The following HPF1 variants were observed in gnomAD, a reference collection of about 807,000 sequenced individuals.
HPF1 encodes the protein histone PARylation factor 1.
In HPF1, 35 loss-of-function variants were observed where a neutral mutation model predicts 38.8. The ratio of observed to expected loss-of-function variants is 0.90; its 90% CI spans 0.69 to 1.19. HPF1 has a LOEUF of 1.19. Among genes scored for constraint, HPF1 ranks in the 50% most tolerant of loss-of-function variants. HPF1 has a pLI of 0.00. For missense variants in HPF1, 367 were observed against 405.8 expected (o/e 0.90, Z 0.82); for synonymous variants, 115 against 139.2 (o/e 0.83, Z 1.22).
chr4:169,757,697 C>T (rs1356738604), intron 1 of HPF1, 133 bp downstream of exon 1: 1 of 904,574 alleles, frequency 1.1e-6, no homozygotes, highest in Non-Finnish European at 1.7e-6. Flanking sequence ...GGGCAGGATC[C>T]CCGCAGCAAA....
chr4:169,751,219 ATGGCAAAACCC>A (rs1734115003), intron 2 of HPF1, among the ~76,000 whole-genome samples: 1 of 152,078 alleles, frequency 6.6e-6, no homozygotes, highest in Non-Finnish European at 1.5e-5. Context: ...CCTGGCCAAC[ATGGCAAAACCC>A]CGTCTCTACT....
At chr4:169,742,208 A>G (rs1216546971) in intron 4 of HPF1, 101 bp from the exon 5 acceptor site, 1 of 898,836 alleles carries the variant, frequency 1.1e-6, no homozygotes, top group African/African-American at 1.7e-5. Flanking sequence ...ATTCCATACA[A>G]GAATAAGTCC....
chr4:169,731,979 T>C, intron 6 of HPF1, 103 bp from the exon 7 acceptor site: 2 of 910,162 alleles, frequency 2.2e-6, no homozygotes, highest in Non-Finnish European at 3.4e-6. Context: ...CCTAAGACTT[T>C]GTACTAATAC....
chr4:169,738,593 T>C (rs1733927197), intron 5 of HPF1, among the ~76,000 whole-genome samples: 1 of 152,120 alleles, frequency 6.6e-6, no homozygotes, highest in African/African-American at 2.4e-5. Flanking sequence ...CTCCCTATTC[T>C]CCCAGTCTCT....
rs551102207 is a variant in HPF1 at position 169,754,367 on chromosome 4, A to C, written c.49-532T>G. On this transcript the variant is annotated intron_variant, in intron 1 of 7. Coordinates refer to ENST00000393381, the MANE Select transcript of HPF1 (RefSeq NM_017867.3). ...TCCAGATAAAGAGGGAAGGTTAGTG[A>C]CAATGTTAAACATCTATAGTTCCTA... 2.0e-5 allele frequency among the ~76,000 whole-genome samples: 3 copies of C among 152,216 alleles called. No homozygotes were observed. In the South Asian group the frequency reaches 6.2e-4, roughly 32 times the overall value.
chr4:169,736,147 G>A (rs1048707651), intron 6 of HPF1, among the ~76,000 whole-genome samples: 4 of 151,686 alleles, frequency 2.6e-5, no homozygotes, highest in Admixed American at 6.6e-5. Flanking sequence ...GGGAAGCCGA[G>A]GTGGGTTGAT....
At chr4:169,755,396 A>G (rs1354071554) in intron 1 of HPF1, among the ~76,000 whole-genome samples, 1 of 152,166 alleles carries the variant, frequency 6.6e-6, no homozygotes, top group Non-Finnish European at 1.5e-5. Flanking sequence ...CCACTTATAG[A>G]GAGGGCCAAC....
At chr4:169,742,227 A>C (rs1365655023) in intron 4 of HPF1, 120 bp from the exon 5 acceptor site, 2 of 763,256 alleles carry the variant, frequency 2.6e-6, no homozygotes, top group Non-Finnish European at 4.3e-6. Flanking sequence ...CCACAGAATA[A>C]TTACCAACAC....
intron 4 of HPF1, among the ~76,000 whole-genome samples, chr4:169,744,050 A>C (rs1345272278): frequency 6.6e-6 from 1 of 152,162 alleles, no homozygotes. Context: ...ACCTTCAATT[A>C]TTACCAGCTG....
At chr4:169,742,946 CA>C (rs1733994573) in intron 4 of HPF1, among the ~76,000 whole-genome samples, 1 of 151,110 alleles carries the variant, frequency 6.6e-6, no homozygotes, top group South Asian at 2.1e-4. Flanking sequence ...ACCAAAAATA[CA>C]AAAATTAGCT....
chr4:169,731,700 TCA>T lies in HPF1; in HGVS notation c.909+2_909+3del. 1 of 1,511,314 alleles carries T rather than the reference TCA, an allele frequency of 6.6e-7. No individual in the cohort carries two copies. The allele number at this position is 1,511,314 out of a possible 1,614,324, so 93.6% of individuals were successfully genotyped here. The stretch of plus-strand genomic sequence containing the variant: ...GGTAGAAGGTGGAGGGTTTTTTTAC[TCA>T]CATGTGAGCCATAGCAAAAGAGATC... On this transcript the variant is annotated splice_donor_variant and splice_donor_region_variant and intron_variant, in intron 7 of 7. Coordinates refer to ENST00000393381, the MANE Select transcript of HPF1 (RefSeq NM_017867.3). LOFTEE classifies it high-confidence loss of function.
chr4:169,732,736 C>T (rs1733845475), intron 6 of HPF1, among the ~76,000 whole-genome samples: 1 of 152,204 alleles, frequency 6.6e-6, no homozygotes, highest in Non-Finnish European at 1.5e-5. Flanking sequence ...GAGGGTTCTA[C>T]ATCCTTCGAT....
chr4:169,739,515 C>T (rs1733939295), intron 5 of HPF1, among the ~76,000 whole-genome samples: 1 of 151,760 alleles, frequency 6.6e-6, no homozygotes, highest in Admixed American at 6.6e-5. Flanking sequence ...AATTTTATAC[C>T]TACCAGCATG....
chr4:169,756,708 C>T (rs1734192422), intron 1 of HPF1, among the ~76,000 whole-genome samples: 3 of 152,288 alleles, frequency 2.0e-5, no homozygotes, highest in African/African-American at 4.8e-5. Context: ...CTGGCCATTA[C>T]GGTTATAGTC....
At chr4:169,731,155 G>C (rs1733822762) in intron 7 of HPF1, among the ~76,000 whole-genome samples, 1 of 152,270 alleles carries the variant, frequency 6.6e-6, no homozygotes, top group South Asian at 2.1e-4. Context: ...TGATCTTCAG[G>C]CAACTATGGT....
At chr4:169,731,175 A>G (rs1187483887) in intron 7 of HPF1, among the ~76,000 whole-genome samples, 1 of 152,238 alleles carries the variant, frequency 6.6e-6, no homozygotes, top group South Asian at 2.1e-4. Context: ...TCGAGTAAGC[A>G]CTGGTTTAGC....
At position 169,757,919 on chromosome 4, in the gene HPF1, G is replaced by A; in HGVS notation, c.-42C>T. On this transcript the variant is annotated 5_prime_UTR_variant, in exon 1 of 8. Transcript: ENST00000393381. ...CAGCAGAATTCCCCGATCCGCGGCCGCTTCCGAGCGCCGCCAACCGCTTCC... is the reference window on the plus strand; with the variant it reads ...CAGCAGAATTCCCCGATCCGCGGCCACTTCCGAGCGCCGCCAACCGCTTCC... 6.5e-7 allele frequency: 1 copy of A among 1,526,900 alleles called. No individual in the cohort carries two copies. The highest frequency in any genetic ancestry group is 8.8e-7 in the Non-Finnish European group (1 of 1,138,608). The allele number at this position is 1,526,900 out of a possible 1,614,324, so 94.6% of individuals were successfully genotyped here.
chr4:169,748,163 CA>C (rs1734071739), intron 4 of HPF1, among the ~76,000 whole-genome samples: 2 of 152,276 alleles, frequency 1.3e-5, no homozygotes, highest in Non-Finnish European at 2.9e-5. Context: ...AAACTCTTAA[CA>C]GGTGTTTAAA....
At chr4:169,732,278 C>T (rs1422489563) in intron 6 of HPF1, among the ~76,000 whole-genome samples, 2 of 151,784 alleles carry the variant, frequency 1.3e-5, no homozygotes, top group Non-Finnish European at 2.9e-5. Context: ...GTAGCTGGCA[C>T]TACAGGCACA....
Sources: gnomAD v4.1 joint callset for allele counts (sites outside exome capture counted in the v4.1 genomes callset) on GRCh38, gnomAD v4.1.1 for gene constraint, MANE v1.5 for transcripts, NCBI Gene and HGNC (gene_info 2026-07-23, HGNC 2026-07-21) for gene names.